Variants in ABCA6 observed in about 807,000 individuals in gnomAD.
ABCA6 encodes ATP-binding cassette sub-family A member 6.
In ABCA6, 164 loss-of-function variants were observed where a neutral mutation model predicts 191.2. The observed-to-expected ratio is 0.86, with a 90% CI of 0.76 to 0.98. The LOEUF is 0.98. ABCA6 is among the 50% of genes least tolerant of loss of function. The pLI is 0.00. For missense variants in ABCA6, 1,958 were observed against 1,894.1 expected (o/e 1.03, Z -0.63); for synonymous variants, 636 against 647.7 (o/e 0.98, Z 0.27).
In ABCA6 at chr17:69,123,412, T is replaced by G. The variant is rs2073688427; in HGVS notation, c.1268-5A>C. 4.1e-6 allele frequency: 6 copies of G among 1,463,964 alleles called. No individual in the cohort carries two copies. Among genetic ancestry groups the G allele is most frequent in the Non-Finnish European group, 5.5e-6 (6 of 1,091,564 alleles). The allele number at this position is 1,463,964 out of a possible 1,614,324, so 90.7% of individuals were successfully genotyped here. A position where few individuals can be genotyped will look rare whatever the true frequency, so the allele number is the denominator to read the frequency against. On this transcript the variant is annotated splice_region_variant and splice_polypyrimidine_tract_variant and intron_variant, in intron 9 of 38. Transcript: ENST00000284425. ...AATAATGGCGCTCATCTCCATCTAA[T>G]TAACCAAGAGGCAACAAAATATGAT...
intron 10 of ABCA6, among the ~76,000 whole-genome samples, chr17:69,122,435 G>A (rs926852873): frequency 6.6e-6 from 1 of 152,006 alleles, no homozygotes; most frequent in African/African-American, 2.4e-5. Flanking sequence ...GCTAAAAACA[G>A]ATATTCTAAA....
rs777844166 is a variant in ABCA6 at position 69,096,767 on chromosome 17, A to G, written c.3155T>C (p.Leu1052Pro). ...CCCACACCAGTAAGCAGAAGTGTAG[A>G]GGCCTGAAATCCATAGCTGGGACTT... Reference protein sequence around the residue: ...NAKSQLWISGLYTSAYWCGQA... With the variant: ...NAKSQLWISGPYTSAYWCGQA... The change falls in exon 24 of 39, where the codon CTC (leucine) becomes CCC (proline). Residue 1052 changes from leucine (L) to proline (P), a missense_variant. Physicochemically the swap from Leu to Pro is moderately conservative, Grantham distance 98. Transcript: ENST00000284425. 3.2e-6 allele frequency: 5 copies of G among 1,553,106 alleles called. No individual in the cohort carries two copies. In the South Asian group the frequency reaches 6.4e-5, roughly 20 times the overall value.
At chr17:69,107,011 A>G (rs527338426) in intron 18 of ABCA6, among the ~76,000 whole-genome samples, 1 of 152,160 alleles carries the variant, frequency 6.6e-6, no homozygotes, top group Non-Finnish European at 1.5e-5. Flanking sequence ...TTACACCTAA[A>G]TATCTACTAC....
chr17:69,090,863 A>G (rs1245300658), intron 26 of ABCA6, among the ~76,000 whole-genome samples: 1 of 152,210 alleles, frequency 6.6e-6, no homozygotes, highest in Non-Finnish European at 1.5e-5. Flanking sequence ...TGCAAAGTGA[A>G]TAGGACAAAA....
chr17:69,124,851 A>G, intron 9 of ABCA6, 37 bp downstream of exon 9: 2 of 1,269,418 alleles, frequency 1.6e-6, no homozygotes, highest in Non-Finnish European at 2.2e-6. Context: ...TGTAATTAAT[A>G]ACTGTAGAGG....
At chr17:69,102,039 T>C (rs1199681638) in intron 21 of ABCA6, among the ~76,000 whole-genome samples, 1 of 152,084 alleles carries the variant, frequency 6.6e-6, no homozygotes, top group East Asian at 1.9e-4. Context: ...GACTGAAGAG[T>C]TCTTAACATT....
chr17:69,127,318 ATC>A (rs1458225636), intron 8 of ABCA6, among the ~76,000 whole-genome samples: 21 of 152,240 alleles, frequency 1.4e-4, no homozygotes, highest in African/African-American at 4.8e-4. Flanking sequence ...AAAATTATGT[ATC>A]TCTGTTCATC....
chr17:69,103,712 C>T (rs1181004962), intron 20 of ABCA6, among the ~76,000 whole-genome samples: 2 of 151,892 alleles, frequency 1.3e-5, no homozygotes, highest in Non-Finnish European at 1.5e-5. Context: ...AGGGTCGTGA[C>T]GTATACCTGG....
At chr17:69,130,547 A>C (rs945680787) in intron 6 of ABCA6, among the ~76,000 whole-genome samples, 2 of 152,218 alleles carry the variant, frequency 1.3e-5, no homozygotes, top group African/African-American at 4.8e-5. Context: ...CATTATGAGA[A>C]TATGACCCAA....
chr17:69,130,097 T>C (rs1432970226), intron 6 of ABCA6, among the ~76,000 whole-genome samples: 2 of 151,856 alleles, frequency 1.3e-5, no homozygotes, highest in Non-Finnish European at 1.5e-5. Context: ...GGGCAGATCA[T>C]TTGAGGTCAA....
At chr17:69,108,069 T>G in intron 17 of ABCA6, 1 of 389,238 alleles carries the variant, frequency 2.6e-6, no homozygotes, top group Non-Finnish European at 4.6e-6. Context: ...CAGATTTCTC[T>G]GCAGAAATCT....
At chr17:69,127,032 A>T (rs1307959636) in intron 8 of ABCA6, among the ~76,000 whole-genome samples, 1 of 152,296 alleles carries the variant, frequency 6.6e-6, no homozygotes, top group African/African-American at 2.4e-5. Context: ...TAAAAGAAAG[A>T]TTGCAATTCA....
chr17:69,083,527 A>T (rs989491959), intron 34 of ABCA6, among the ~76,000 whole-genome samples, 196 bp from the exon 35 acceptor site: 5 of 152,230 alleles, frequency 3.3e-5, no homozygotes, highest in Admixed American at 6.5e-5. Flanking sequence ...TAGTTGAGTT[A>T]TCTTCTGAAG....
intron 3 of ABCA6, among the ~76,000 whole-genome samples, chr17:69,136,579 C>T (rs1021247098): frequency 6.6e-5 from 10 of 152,134 alleles, no homozygotes; most frequent in African/African-American, 2.4e-4. Flanking sequence ...AGTTACTATA[C>T]AGTCAGGGAT....
chr17:69,123,261 A>G lies in ABCA6; in HGVS notation c.1414T>C (p.Phe472Leu). Residue 472 changes from phenylalanine (F) to leucine (L), a missense_variant, in exon 10 of 39, where the codon TTC becomes CTC. Phe to Leu is a conservative substitution (Grantham distance 22). Coordinates refer to ENST00000284425, the MANE Select transcript of ABCA6 (RefSeq NM_080284.3). Reference sequence around the variant, plus strand: ...TACCTGATGGCTTCTTTTCCTTGGAATTCAGGAGCTACTGGTTCAAAATAA... The same window carrying G: ...TACCTGATGGCTTCTTTTCCTTGGAGTTCAGGAGCTACTGGTTCAAAATAA... ...DDYFEPVAPE[F>L]QGKEAIRIRN... 1 of 1,506,328 alleles carries G rather than the reference A, an allele frequency of 6.6e-7. No homozygotes were observed. The highest frequency in any genetic ancestry group is 1.4e-5 in the South Asian group (1 of 70,858). The allele number at this position is 1,506,328 out of a possible 1,614,324, so 93.3% of individuals were successfully genotyped here.
In ABCA6 at chr17:69,100,680, T is replaced by C. The variant is rs2073158860; in HGVS notation, c.3012+117A>G. ...CTATAACCCATTGAAAATATTAGGATAAAATAATAATTTTCAGGCTTAACA... is the reference window on the plus strand; with the variant it reads ...CTATAACCCATTGAAAATATTAGGACAAAATAATAATTTTCAGGCTTAACA... On this transcript the variant is annotated intron_variant, in intron 22 of 38. Transcript: ENST00000284425. 5 of 1,152,098 alleles carry C rather than the reference T, an allele frequency of 4.3e-6. No homozygotes were observed. In the Admixed American group the frequency reaches 1.6e-4, roughly 37 times the overall value. 71.4% of individuals were successfully genotyped at this position (1,152,098 alleles called of 1,614,324 possible). A position where few individuals can be genotyped will look rare whatever the true frequency, so the allele number is the denominator to read the frequency against.
At position 69,136,030 on chromosome 17, in the gene ABCA6, C is replaced by T. The variant is rs781652587; in HGVS notation, c.460+62G>A. The T allele has an allele frequency of 2.8e-5, 42 of 1,499,108 alleles. No homozygotes were observed. The South Asian group carries it at 4.6e-4, about 16-fold the overall frequency. The allele number at this position is 1,499,108 out of a possible 1,614,324, so 92.9% of individuals were successfully genotyped here. A position where few individuals can be genotyped will look rare whatever the true frequency, so the allele number is the denominator to read the frequency against. ...TGAAAGCATCTCTGTTGCCCAACCT[C>T]CTCTGTTCTTTATGTTGAAAACATG... On this transcript the variant is annotated intron_variant, in intron 4 of 38. Transcript: ENST00000284425.
chr17:69,105,920 C>A lies in ABCA6; in HGVS notation c.2573+108G>T, dbSNP rs572672911. ...AAAAATTAAATGCTGAATTTATCCA[C>A]CCCGTGGCAGGAATGTCAGATATTG... On this transcript the variant is annotated intron_variant, in intron 19 of 38. Coordinates refer to ENST00000284425, the MANE Select transcript of ABCA6 (RefSeq NM_080284.3). 181 of 1,224,996 alleles carry A rather than the reference C, an allele frequency of 1.5e-4. 2 individuals are homozygous for A. In the East Asian group the frequency reaches 4.3e-3, roughly 29 times the overall value. 75.9% of individuals were successfully genotyped at this position (1,224,996 alleles called of 1,614,324 possible).
chr17:69,113,518 G>A, intron 14 of ABCA6, 100 bp downstream of exon 14: 2 of 1,576,626 alleles, frequency 1.3e-6, no homozygotes, highest in South Asian at 1.2e-5. Context: ...GTTCTCTCTT[G>A]ATGCATTACA....
Sources: gnomAD v4.1 joint callset for allele counts (sites outside exome capture counted in the v4.1 genomes callset) on GRCh38, gnomAD v4.1.1 for gene constraint, MANE v1.5 for transcripts, NCBI Gene and HGNC (gene_info 2026-07-23, HGNC 2026-07-21) for gene names.